CNTNAP2: variants seen among roughly 807,000 people sequenced by gnomAD.
CNTNAP2 encodes the protein contactin associated protein 2.
CNTNAP2 carries 98 observed loss-of-function variants against 155.2 expected under a neutral mutation model. The ratio of observed to expected loss-of-function variants is 0.63; its 90% confidence interval spans 0.54 to 0.75. The LOEUF is 0.75. Ranked by LOEUF, CNTNAP2 falls within the 30% of genes least tolerant of loss-of-function variation. CNTNAP2 has a pLI of 0.00. For missense variants in CNTNAP2, 1,727 were observed against 1,688.1 expected (o/e 1.02, Z -0.40); for synonymous variants, 651 against 631.2 (o/e 1.03, Z -0.47).
intron 1 of CNTNAP2, among the ~76,000 whole-genome samples, chr7:146,375,203 C>T (rs1795288759): frequency 6.6e-6 from 1 of 152,212 alleles, no homozygotes; most frequent in South Asian, 2.1e-4. Context: ...GACTATCTCT[C>T]AACAATTATT....
chr7:146,610,208 T>C (rs1799112861), intron 1 of CNTNAP2, among the ~76,000 whole-genome samples: 1 of 152,190 alleles, frequency 6.6e-6, no homozygotes, highest in Non-Finnish European at 1.5e-5. Flanking sequence ...GGGATTTGCC[T>C]AGCCAGTCAC....
At chr7:147,067,512 T>A (rs1452017426) in intron 4 of CNTNAP2, among the ~76,000 whole-genome samples, 2 of 152,102 alleles carry the variant, frequency 1.3e-5, no homozygotes, top group South Asian at 2.1e-4. Context: ...TATTTTTTCA[T>A]AATTCTTTTT....
At chr7:147,586,565 GGGA>G (rs1800629162) in intron 12 of CNTNAP2, among the ~76,000 whole-genome samples, 1 of 123,414 alleles carries the variant, frequency 8.1e-6, no homozygotes, top group Non-Finnish European at 1.7e-5. Context: ...GAGGGAGGGA[GGGA>G]GGGAGGGAGG....
chr7:147,557,282 A>G (rs1206354079), intron 11 of CNTNAP2, among the ~76,000 whole-genome samples: 1 of 152,094 alleles, frequency 6.6e-6, no homozygotes, highest in Admixed American at 6.6e-5. Flanking sequence ...AAAAAAAGAC[A>G]TTTAGGACTT....
At chr7:147,449,115 C>T (rs1797789632) in intron 10 of CNTNAP2, among the ~76,000 whole-genome samples, 1 of 152,150 alleles carries the variant, frequency 6.6e-6, no homozygotes, top group Non-Finnish European at 1.5e-5. Flanking sequence ...AAATCATTTA[C>T]TGTGTAAAAC....
intron 13 of CNTNAP2, among the ~76,000 whole-genome samples, chr7:147,641,999 TGTGTGTGTGTGC>T (rs1795286499): frequency 7.3e-6 from 1 of 136,906 alleles, no homozygotes; most frequent in Non-Finnish European, 1.6e-5. Context: ...TTATCATAGG[TGTGTGTGTGTGC>T]GTGTGTGTGT....
At chr7:146,483,380 A>G (rs1233461141) in intron 1 of CNTNAP2, among the ~76,000 whole-genome samples, 1 of 143,196 alleles carries the variant, frequency 7.0e-6, no homozygotes. Context: ...ATTATTGCAT[A>G]TTGATACACA....
intron 11 of CNTNAP2, among the ~76,000 whole-genome samples, chr7:147,556,919 A>G (rs942302638): frequency 6.6e-6 from 1 of 152,342 alleles, no homozygotes; most frequent in East Asian, 1.9e-4. Flanking sequence ...GGTAATACAC[A>G]GACAACATTC....
chr7:147,611,317 G>A (rs982273406), intron 12 of CNTNAP2, among the ~76,000 whole-genome samples: 1 of 152,076 alleles, frequency 6.6e-6, no homozygotes. Flanking sequence ...ACTCCTTATT[G>A]CCACACAGAT....
intron 1 of CNTNAP2, among the ~76,000 whole-genome samples, chr7:146,535,982 T>A (rs1046039200): frequency 6.6e-6 from 1 of 152,070 alleles, no homozygotes; most frequent in Non-Finnish European, 1.5e-5. Context: ...ATGAAAGGAA[T>A]TTTCTTCATC....
chr7:147,848,628 A>G (rs1798860659), intron 13 of CNTNAP2, among the ~76,000 whole-genome samples: 1 of 150,014 alleles, frequency 6.7e-6, no homozygotes, highest in Admixed American at 6.7e-5. Flanking sequence ...TCCTCCCTTC[A>G]GTTGCATTTC....
At chr7:146,406,611 C>G (rs1489986755) in intron 1 of CNTNAP2, among the ~76,000 whole-genome samples, 1 of 152,200 alleles carries the variant, frequency 6.6e-6, no homozygotes, top group African/African-American at 2.4e-5. Context: ...GTCAAAGACT[C>G]AGTCAGAAGA....
chr7:146,462,944 G>A (rs1414996455), intron 1 of CNTNAP2, among the ~76,000 whole-genome samples: 1 of 152,074 alleles, frequency 6.6e-6, no homozygotes, highest in Non-Finnish European at 1.5e-5. Context: ...CTTCTTTAGA[G>A]GGAAATAACC....
At chr7:146,738,987 G>A (rs1011608292) in intron 1 of CNTNAP2, among the ~76,000 whole-genome samples, 1 of 151,402 alleles carries the variant, frequency 6.6e-6, no homozygotes, top group Admixed American at 6.6e-5. Flanking sequence ...CAGTTATAAC[G>A]TCTCGTCTCT....
chr7:147,785,955 G>A (rs1374434116), intron 13 of CNTNAP2, among the ~76,000 whole-genome samples: 2 of 151,692 alleles, frequency 1.3e-5, no homozygotes, highest in African/African-American at 2.4e-5. Flanking sequence ...TCGTGCCACC[G>A]CACTCCACCC....
intron 3 of CNTNAP2, among the ~76,000 whole-genome samples, chr7:146,937,803 A>G (rs1025812222): frequency 3.3e-5 from 5 of 152,348 alleles, no homozygotes; most frequent in African/African-American, 7.2e-5. Flanking sequence ...TTCAAGCACA[A>G]AGTTTGAAGA....
intron 11 of CNTNAP2, among the ~76,000 whole-genome samples, chr7:147,529,566 G>A (rs1029452925): frequency 1.3e-5 from 2 of 151,264 alleles, no homozygotes; most frequent in Admixed American, 6.6e-5. Flanking sequence ...CTATTTTCTT[G>A]TTTGTTTGTT....
intron 1 of CNTNAP2, among the ~76,000 whole-genome samples, chr7:146,172,365 C>T (rs116824154): frequency 2.4e-4 from 36 of 151,894 alleles, no homozygotes; most frequent in African/African-American, 8.2e-4. Context: ...ATGACCACCC[C>T]CAAAGCACAG....
chr7:146,827,458 G>A (rs1473879377), intron 2 of CNTNAP2, among the ~76,000 whole-genome samples: 4 of 151,062 alleles, frequency 2.6e-5, no homozygotes, highest in Non-Finnish European at 5.9e-5. Context: ...CATCTTCACC[G>A]AGTAATATTC....
Sources: gnomAD v4.1 joint callset for allele counts (sites outside exome capture counted in the v4.1 genomes callset) on GRCh38, gnomAD v4.1.1 for gene constraint, MANE v1.5 for transcripts, NCBI Gene and HGNC (gene_info 2026-07-23, HGNC 2026-07-21) for gene names.